SHROOM2: variants seen among roughly 807,000 people sequenced by gnomAD.
The protein encoded by SHROOM2 is shroom family member 2.
A neutral mutation model predicts 75.9 loss-of-function variants in SHROOM2; 33 were observed. The observed-to-expected ratio is 0.43, with a 90% confidence interval of 0.33 to 0.58. The LOEUF (loss-of-function observed/expected upper bound fraction) is 0.58, where lower values mean the gene tolerates loss of function less well. Among genes scored for constraint, SHROOM2 ranks in the 20% least tolerant of loss-of-function variants. The pLI is 0.04. For missense variants in SHROOM2, 1,434 were observed against 1,461.2 expected (o/e 0.98, Z 0.30); for synonymous variants, 655 against 663.6 (o/e 0.99, Z 0.20).
intron 5 of SHROOM2, among the ~76,000 whole-genome samples, chrX:9,911,720 C>CA (rs2147031647): frequency 9.0e-6 from 1 of 111,727 alleles, no homozygotes; most frequent in East Asian, 2.8e-4. Context: ...TGCACACACT[C>CA]AAAGTTCCGG....
chrX:9,820,915 A>G (rs573876829), intron 1 of SHROOM2, among the ~76,000 whole-genome samples: 1 of 112,629 alleles, frequency 8.9e-6, no homozygotes, highest in African/African-American at 3.2e-5. Context: ...TGTAGACAGT[A>G]TGTAAATGAA....
chrX:9,870,358 G>T (rs1001919515), intron 1 of SHROOM2, among the ~76,000 whole-genome samples: 1 of 112,025 alleles, frequency 8.9e-6, no homozygotes, highest in Non-Finnish European at 1.9e-5. Context: ...TTTATGCTTT[G>T]CTTTACTACG....
At chrX:9,816,580 C>CCTGCTGCTG (rs112480338) in intron 1 of SHROOM2, among the ~76,000 whole-genome samples, 50 of 102,545 alleles carry the variant, frequency 4.9e-4, no homozygotes, top group East Asian at 4.2e-3. Context: ...AGCCTTACCC[C>CCTGCTGCTG]CTGCTGCTGC....
chrX:9,791,737 A>G (rs1390939189), intron 1 of SHROOM2, among the ~76,000 whole-genome samples: 2 of 111,204 alleles, frequency 1.8e-5, no homozygotes, highest in African/African-American at 3.3e-5. Context: ...TCACGCCTGT[A>G]ATCCCAGCAC....
At chrX:9,791,968 C>CGAGAATAGAA (rs2083651250) in intron 1 of SHROOM2, among the ~76,000 whole-genome samples, 2 of 62,841 alleles carry the variant, frequency 3.2e-5, no homozygotes, top group East Asian at 5.9e-4. Flanking sequence ...AACTCCATCT[C>CGAGAATAGAA]GAGAATAGAA....
chrX:9,794,731 T>G (rs2083685716), intron 1 of SHROOM2, among the ~76,000 whole-genome samples: 1 of 112,194 alleles, frequency 8.9e-6, no homozygotes, highest in Admixed American at 9.5e-5. Flanking sequence ...CCCGTGACTC[T>G]GGCCCCAGCC....
chrX:9,867,503 G>A (rs957028037), intron 1 of SHROOM2, among the ~76,000 whole-genome samples: 13 of 111,802 alleles, frequency 1.2e-4, no homozygotes, highest in African/African-American at 4.2e-4. Context: ...TTAAGCGGCT[G>A]TCACTAATCG....
At chrX:9,927,222 C>T (rs1172477824) in intron 5 of SHROOM2, among the ~76,000 whole-genome samples, 2 of 108,998 alleles carry the variant, frequency 1.8e-5, no homozygotes, top group South Asian at 4.1e-4. Flanking sequence ...TAGTGGCATA[C>T]ACCTGTGGTC....
intron 1 of SHROOM2, among the ~76,000 whole-genome samples, chrX:9,802,365 G>A (rs771380560): frequency 1.2e-4 from 14 of 112,586 alleles, no homozygotes; most frequent in African/African-American, 4.5e-4. Flanking sequence ...TTTTAACAAC[G>A]TGATTCAGTC....
chrX:9,864,830 AT>A (rs922222874), intron 1 of SHROOM2, among the ~76,000 whole-genome samples: 11 of 41,094 alleles, frequency 2.7e-4, no homozygotes, highest in Admixed American at 1.2e-3. Flanking sequence ...GTCTCAAAAA[AT>A]AAATAAATAA....
chrX:9,846,320 A>G (rs1216927523), intron 1 of SHROOM2, among the ~76,000 whole-genome samples: 1 of 109,655 alleles, frequency 9.1e-6, no homozygotes, highest in African/African-American at 3.3e-5. Flanking sequence ...TTTGAGACGG[A>G]GTCTCGCTCT....
At chrX:9,837,026 A>G (rs1012252017) in intron 1 of SHROOM2, among the ~76,000 whole-genome samples, 6 of 112,380 alleles carry the variant, frequency 5.3e-5, no homozygotes, top group African/African-American at 1.9e-4. Flanking sequence ...GGATTGATCC[A>G]CATTGCAGGT....
At chrX:9,876,943 G>A (rs1296423947) in intron 2 of SHROOM2, among the ~76,000 whole-genome samples, 3 of 112,344 alleles carry the variant, frequency 2.7e-5, no homozygotes, top group African/African-American at 6.5e-5. Flanking sequence ...GGCGTGAGCC[G>A]TCGCACCTGG....
At chrX:9,850,173 G>A (rs185029405) in intron 1 of SHROOM2, among the ~76,000 whole-genome samples, 12 of 112,254 alleles carry the variant, frequency 1.1e-4, no homozygotes, top group East Asian at 2.8e-4. Flanking sequence ...GATCATTCCC[G>A]TCTGCAGCAC....
In SHROOM2 at chrX:9,841,986, G is replaced by A. The variant is rs557464827; in HGVS notation, c.166-31666G>A. Among the ~76,000 whole-genome samples, 580 of 112,165 alleles carry A rather than the reference G, an allele frequency of 5.2e-3. 5 individuals carry two copies. Among genetic ancestry groups the A allele is most frequent in the Non-Finnish European group, 7.2e-3 (385 of 53,213 alleles). On this transcript the variant is annotated intron_variant, in intron 1 of 9. Coordinates refer to ENST00000380913, the MANE Select transcript of SHROOM2 (RefSeq NM_001649.4). ...AGGTGGGAGGATCACTTGAGCCTGGGAGTTCCAGGCTGTAGTGAACTATGA... is the reference window on the plus strand; with the variant it reads ...AGGTGGGAGGATCACTTGAGCCTGGAAGTTCCAGGCTGTAGTGAACTATGA...
intron 3 of SHROOM2, among the ~76,000 whole-genome samples, chrX:9,894,055 C>T (rs913038065): frequency 1.9e-4 from 21 of 111,110 alleles, no homozygotes; most frequent in Non-Finnish European, 2.1e-4. Flanking sequence ...TAAATGCAGA[C>T]GTTGCCTGCC....
intron 5 of SHROOM2, among the ~76,000 whole-genome samples, chrX:9,929,327 C>G (rs979514324): frequency 3.6e-5 from 4 of 111,589 alleles, no homozygotes; most frequent in Non-Finnish European, 7.5e-5. Flanking sequence ...TGCTGCAGGT[C>G]TGAATGAAGT....
At chrX:9,834,333 A>C (rs907990252) in intron 1 of SHROOM2, among the ~76,000 whole-genome samples, 1 of 112,419 alleles carries the variant, frequency 8.9e-6, no homozygotes, top group African/African-American at 3.2e-5. Flanking sequence ...CTGCTGGAAG[A>C]AAAGAGAGGC....
chrX:9,919,229 G>T (rs923680606), intron 5 of SHROOM2, among the ~76,000 whole-genome samples: 20 of 108,434 alleles, frequency 1.8e-4, no homozygotes. Context: ...GTGCAGTCTA[G>T]GAATCAACAG....
Sources: allele counts gnomAD v4.1 joint callset (sites outside exome capture counted in the v4.1 genomes callset), GRCh38; gene constraint gnomAD v4.1.1; transcripts MANE v1.5; gene names NCBI Gene and HGNC (gene_info 2026-07-23, HGNC 2026-07-21).